Variants in TMEM184B observed in about 807,000 individuals in gnomAD.
TMEM184B encodes the protein transmembrane protein 184B.
Under a neutral mutation model 41.8 loss-of-function variants are expected in TMEM184B, and 17 were observed. The observed-to-expected ratio is 0.41, with a 90% CI of 0.28 to 0.61. The LOEUF is 0.61. Among genes scored for constraint, TMEM184B ranks in the 20% least tolerant of loss-of-function variants. TMEM184B has a pLI of 0.34. For missense variants in TMEM184B, 393 were observed against 557.8 expected (o/e 0.70, Z 2.98); for synonymous variants, 240 against 229.5 (o/e 1.05, Z -0.41).
intron 1 of TMEM184B, among the ~76,000 whole-genome samples, chr22:38,258,461 G>A (rs937393543): frequency 8.6e-5 from 13 of 151,852 alleles, no homozygotes; most frequent in East Asian, 3.9e-4. Context: ...CCACATGCCC[G>A]GCTAATTTTT....
chr22:38,266,641 T>A (rs1376767837), intron 1 of TMEM184B, among the ~76,000 whole-genome samples: 1 of 152,274 alleles, frequency 6.6e-6, no homozygotes, highest in Non-Finnish European at 1.5e-5. Flanking sequence ...TAAATGTTTA[T>A]AACCCGGTGT....
chr22:38,271,083 A>T (rs543553553), intron 1 of TMEM184B, among the ~76,000 whole-genome samples: 1 of 152,318 alleles, frequency 6.6e-6, no homozygotes, highest in Admixed American at 6.5e-5. Flanking sequence ...CAAATAAGAC[A>T]TCCAGAATCC....
chr22:38,248,389 AC>A (rs1380838156), intron 1 of TMEM184B, among the ~76,000 whole-genome samples: 8 of 152,048 alleles, frequency 5.3e-5, no homozygotes, highest in Non-Finnish European at 7.4e-5. Flanking sequence ...TACAGTTCCC[AC>A]TTCCATCCTC....
At chr22:38,246,205 C>G in intron 2 of TMEM184B, 105 bp from the exon 3 acceptor site, 1 of 1,373,286 alleles carries the variant, frequency 7.3e-7, no homozygotes, top group Non-Finnish European at 9.9e-7. Context: ...ACCCGATGCA[C>G]GTGACCTACC....
intron 1 of TMEM184B, among the ~76,000 whole-genome samples, chr22:38,258,020 C>G (rs1259667032): frequency 6.6e-6 from 1 of 152,168 alleles, no homozygotes; most frequent in Non-Finnish European, 1.5e-5. Flanking sequence ...CCACCTCCCC[C>G]ACATACAGCC....
chr22:38,242,652 C>CGG, intron 3 of TMEM184B, among the ~76,000 whole-genome samples: 1 of 152,180 alleles, frequency 6.6e-6, no homozygotes, highest in African/African-American at 2.4e-5. Context: ...ATACAAGGAT[C>CGG]GGGGGGGACT....
Position 38,271,424 on chromosome 22 carries a change from C to T in TMEM184B, c.-59+1460G>A, listed in dbSNP as rs572740722. ...TCTGGGCCTCAGTTTACCGCATCTG[C>T]AAATAGGGACAACTGTTCCTTACTC... On this transcript the variant is annotated intron_variant, in intron 1 of 8. Transcript: ENST00000361906. 2.6e-5 allele frequency among the ~76,000 whole-genome samples: 4 copies of T among 152,310 alleles called. No homozygotes were observed. The East Asian group carries it at 7.7e-4, about 29-fold the overall frequency.
rs139640574 is a variant in TMEM184B, at chr22:38,262,160, C to T, written c.-59+10724G>A. ...GAAGGCAGCCAGACACCGAGGAGTC[C>T]GTTCTGTACACTCTGTGTGTGGGAG... On this transcript the variant is annotated intron_variant, in intron 1 of 8. Transcript: ENST00000361906. Among the ~76,000 whole-genome samples, 985 of 152,342 alleles carry T rather than the reference C, an allele frequency of 6.5e-3. 13 individuals are homozygous for T. Among genetic ancestry groups the T allele is most frequent in the African/African-American group, 0.023 (937 of 41,578 alleles).
intron 3 of TMEM184B, among the ~76,000 whole-genome samples, chr22:38,235,261 C>T (rs1313719661): frequency 6.6e-6 from 1 of 152,184 alleles, no homozygotes. Flanking sequence ...TTTCCAGTCT[C>T]GAACAACAAA....
At chr22:38,240,255 A>C (rs1281974864) in intron 3 of TMEM184B, among the ~76,000 whole-genome samples, 1 of 152,184 alleles carries the variant, frequency 6.6e-6, no homozygotes, top group Non-Finnish European at 1.5e-5. Flanking sequence ...ATCCCCAGAG[A>C]CCAAAAAACA....
At chr22:38,272,320 T>G (rs902953757) in intron 1 of TMEM184B, among the ~76,000 whole-genome samples, 17 of 152,048 alleles carry the variant, frequency 1.1e-4, no homozygotes, top group Non-Finnish European at 2.2e-4. Flanking sequence ...GTCTCCACGG[T>G]CCCTTTGGGG....
chr22:38,218,040 G>GA (rs2091171797), downstream of TMEM184B, among the ~76,000 whole-genome samples: 1 of 152,012 alleles, frequency 6.6e-6, no homozygotes, highest in African/African-American at 2.4e-5. Context: ...ACCCAGAGAG[G>GA]AAAAAACCCA....
intron 1 of TMEM184B, among the ~76,000 whole-genome samples, chr22:38,269,884 G>A (rs898877793): frequency 6.6e-6 from 1 of 152,288 alleles, no homozygotes; most frequent in Non-Finnish European, 1.5e-5. Flanking sequence ...GCCAGGGGCT[G>A]TAGGAAAGCC....
downstream of TMEM184B, chr22:38,219,191 G>C (rs1030717372): frequency 1.2e-5 from 11 of 898,058 alleles, no homozygotes; most frequent in African/African-American, 1.6e-4. Context: ...ACACAGGAAG[G>C]AGAGGGTTTC....
chr22:38,247,085 C>T (rs1184438324), intron 2 of TMEM184B, among the ~76,000 whole-genome samples: 2 of 152,220 alleles, frequency 1.3e-5, no homozygotes, highest in African/African-American at 4.8e-5. Context: ...CCCACATCAG[C>T]CTCCTCTGGG....
At chr22:38,218,757 C>T (rs545932481), downstream of TMEM184B, among the ~76,000 whole-genome samples, 11 of 152,320 alleles carry the variant, frequency 7.2e-5, no homozygotes, top group African/African-American at 2.4e-4. Flanking sequence ...TTACCCGCCT[C>T]GGGAGGCTGG....
chr22:38,230,359 T>C (rs1368394740), intron 5 of TMEM184B, among the ~76,000 whole-genome samples: 3 of 152,230 alleles, frequency 2.0e-5, no homozygotes, highest in Non-Finnish European at 4.4e-5. Context: ...AGTTTTCAAA[T>C]GGAGGTTCTA....
rs2091222983 is a variant in TMEM184B at position 38,220,271 on chromosome 22, T to C, written c.*1198A>G. The C allele has an allele frequency of 1.0e-6, 1 of 985,896 alleles. No individual in the cohort carries two copies. Among genetic ancestry groups the C allele is most frequent in the Non-Finnish European group, 1.2e-6 (1 of 830,016 alleles). The allele number at this position is 985,896 out of a possible 1,614,324, so 61.1% of individuals were successfully genotyped here. The stretch of plus-strand genomic sequence containing the variant: ...CCACTCCTGAGGCCTGTCCAAGGGC[T>C]CTGGGCCCAGCACTGCAGGATCCTG... On this transcript the variant is annotated 3_prime_UTR_variant, in exon 9 of 9. Coordinates refer to ENST00000361906, the MANE Select transcript of TMEM184B (RefSeq NM_012264.5).
rs1406092351 is a variant in TMEM184B at position 38,254,223 on chromosome 22, C to T, written c.-58-6204G>A. ...TGTCTCCAAAAAAAAAAAAAAAAAG[C>T]ACCATGGTAAAAAGAAAACCAAACA... On this transcript the variant is annotated intron_variant, in intron 1 of 8. Coordinates refer to ENST00000361906, the MANE Select transcript of TMEM184B (RefSeq NM_012264.5). Among the ~76,000 whole-genome samples, 3 of 119,288 alleles carry T rather than the reference C, an allele frequency of 2.5e-5. No individual in the cohort carries two copies. In the South Asian group the frequency reaches 8.3e-4, roughly 33 times the overall value. 78.3% of individuals were successfully genotyped at this position (119,288 alleles called of 152,430 possible).
Sources: allele counts gnomAD v4.1 joint callset (sites outside exome capture counted in the v4.1 genomes callset), GRCh38; gene constraint gnomAD v4.1.1; transcripts MANE v1.5; gene names NCBI Gene and HGNC (gene_info 2026-07-23, HGNC 2026-07-21).